CPNE4: variants seen among roughly 807,000 people sequenced by gnomAD.
CPNE4 encodes the protein copine 4.
CPNE4 carries 25 observed loss-of-function variants against 67.9 expected under a neutral mutation model. The ratio of observed to expected loss-of-function variants is 0.37; its 90% confidence interval spans 0.27 to 0.51. CPNE4 has a LOEUF of 0.51. Among genes scored for constraint, CPNE4 ranks in the 20% least tolerant of loss-of-function variants. The probability of loss-of-function intolerance (pLI) is 0.93; values close to 1 mark genes in which losing one functional copy is unlikely to be tolerated. For missense variants in CPNE4, 464 were observed against 690.8 expected, an observed-to-expected ratio of 0.67 and a Z score of 3.68; for synonymous variants, 242 against 244.9, an observed-to-expected ratio of 0.99 and a Z score of 0.11.
intron 8 of CPNE4, among the ~76,000 whole-genome samples, chr3:131,583,174 G>C (rs1343823092): frequency 6.6e-6 from 1 of 152,144 alleles, no homozygotes; most frequent in Non-Finnish European, 1.5e-5. Flanking sequence ...CAGACCCCTA[G>C]CCTTGTTTTT....
At chr3:131,685,522 G>A (rs377078237) in intron 6 of CPNE4, among the ~76,000 whole-genome samples, 2 of 152,112 alleles carry the variant, frequency 1.3e-5, no homozygotes, top group African/African-American at 2.4e-5. Context: ...GGTGGCTCAC[G>A]CCTGTAATCC....
In CPNE4 at chr3:131,777,737, G is replaced by T. The variant is rs562695621; in HGVS notation, c.181-54112C>A. Among the ~76,000 whole-genome samples the T allele has an allele frequency of 2.0e-5, 3 of 152,200 alleles. No individual in the cohort carries two copies. In the South Asian group the frequency reaches 6.2e-4, roughly 32 times the overall value. On this transcript the variant is annotated intron_variant, in intron 2 of 15. Transcript: ENST00000429747. Reference sequence around the variant, plus strand: ...TTTGAATATTTCAAAAGAATCTTAAGCTCCCCATGACCAAGAGTGGACCTT... The same window carrying T: ...TTTGAATATTTCAAAAGAATCTTAATCTCCCCATGACCAAGAGTGGACCTT...
intron 15 of CPNE4, among the ~76,000 whole-genome samples, chr3:131,541,439 G>C (rs1175318879): frequency 1.3e-5 from 2 of 152,112 alleles, no homozygotes; most frequent in Non-Finnish European, 2.9e-5. Flanking sequence ...CAAGGCCCTT[G>C]GGGAATGCAA....
intron 11 of CPNE4, 87 bp downstream of exon 11, chr3:131,564,129 A>G (rs1936933371): frequency 6.5e-7 from 1 of 1,530,562 alleles, no homozygotes. Context: ...ACTAGACTTA[A>G]TTTCCACTTT....
At chr3:131,564,425 A>G (rs973157062) in intron 10 of CPNE4, 76 bp from the exon 11 acceptor site, 4 of 1,428,016 alleles carry the variant, frequency 2.8e-6, no homozygotes, top group East Asian at 2.3e-5. Flanking sequence ...GTCATGAGAG[A>G]GACCTGGCCT....
At chr3:131,651,483 T>G (rs1458423875) in intron 7 of CPNE4, among the ~76,000 whole-genome samples, 1 of 152,230 alleles carries the variant, frequency 6.6e-6, no homozygotes, top group Admixed American at 6.5e-5. Context: ...TTGAACCTGT[T>G]TCCTCATTTA....
chr3:131,924,950 C>T (rs1046375795), intron 1 of CPNE4, among the ~76,000 whole-genome samples: 1 of 152,154 alleles, frequency 6.6e-6, no homozygotes, highest in African/African-American at 2.4e-5. Flanking sequence ...TTAGTAGCAA[C>T]CTTGAAGCAC....
intron 2 of CPNE4, among the ~76,000 whole-genome samples, chr3:131,887,758 T>C (rs1359744476): frequency 6.6e-6 from 1 of 152,204 alleles, no homozygotes; most frequent in African/African-American, 2.4e-5. Flanking sequence ...GGAATGTAAA[T>C]ATGCCTATGT....
chr3:131,910,871 C>T (rs1037579369), intron 1 of CPNE4, among the ~76,000 whole-genome samples: 7 of 152,214 alleles, frequency 4.6e-5, no homozygotes, highest in Middle Eastern at 3.4e-3. Context: ...GACCACAAAA[C>T]CGTAAATGTT....
At chr3:131,661,782 A>C (rs1490960251) in intron 7 of CPNE4, among the ~76,000 whole-genome samples, 2 of 152,126 alleles carry the variant, frequency 1.3e-5, no homozygotes, top group Non-Finnish European at 2.9e-5. Context: ...TACAAATATA[A>C]GGCACATAGA....
chr3:131,954,804 G>A (rs1367083790), intron 1 of CPNE4, among the ~76,000 whole-genome samples: 4 of 152,074 alleles, frequency 2.6e-5, no homozygotes, highest in African/African-American at 9.7e-5. Context: ...CTTCGTCCAT[G>A]TCCCTACAGA....
chr3:131,783,703 C>A (rs2083482839), intron 2 of CPNE4, among the ~76,000 whole-genome samples: 1 of 151,988 alleles, frequency 6.6e-6, no homozygotes, highest in African/African-American at 2.4e-5. Flanking sequence ...TCAGTCAAAG[C>A]CAGCACCATC....
At chr3:131,639,549 T>C (rs1028152149) in intron 7 of CPNE4, among the ~76,000 whole-genome samples, 20 of 152,056 alleles carry the variant, frequency 1.3e-4, no homozygotes, top group African/African-American at 4.6e-4. Context: ...CAGGACCAGA[T>C]GGATTTGGAC....
chr3:131,566,800 A>T (rs72999208), intron 10 of CPNE4, among the ~76,000 whole-genome samples: 2,057 of 152,082 alleles, frequency 0.014, 39 homozygotes, highest in African/African-American at 0.047. Context: ...AAAAGGTAAA[A>T]GTAATGCTGG....
intron 5 of CPNE4, among the ~76,000 whole-genome samples, chr3:131,694,028 A>T (rs1444493262): frequency 6.6e-6 from 1 of 152,172 alleles, no homozygotes; most frequent in Non-Finnish European, 1.5e-5. Flanking sequence ...TACCTAAAGT[A>T]TGTAGACTCC....
chr3:131,910,360 T>C (rs1349202899), intron 1 of CPNE4, among the ~76,000 whole-genome samples: 1 of 152,166 alleles, frequency 6.6e-6, no homozygotes, highest in African/African-American at 2.4e-5. Context: ...AACAACACTG[T>C]TTCCTCTCCT....
At chr3:131,926,583 C>A (rs2070902043) in intron 1 of CPNE4, among the ~76,000 whole-genome samples, 1 of 152,008 alleles carries the variant, frequency 6.6e-6, no homozygotes, top group African/African-American at 2.4e-5. Context: ...AACTTATATC[C>A]CTGAGTCAGT....
chr3:131,785,313 T>A (rs1454262056), intron 2 of CPNE4, among the ~76,000 whole-genome samples: 3 of 152,132 alleles, frequency 2.0e-5, no homozygotes, highest in African/African-American at 7.2e-5. Context: ...GCTATAGTCC[T>A]GCCTTGAAGG....
chr3:131,729,481 G>T (rs147729855), intron 2 of CPNE4, among the ~76,000 whole-genome samples: 1 of 152,268 alleles, frequency 6.6e-6, no homozygotes, highest in African/African-American at 2.4e-5. Flanking sequence ...GATTTCAGCT[G>T]CTTGTGACTG....
Sources: allele counts gnomAD v4.1 joint callset (sites outside exome capture counted in the v4.1 genomes callset), GRCh38; gene constraint gnomAD v4.1.1; transcripts MANE v1.5; gene names NCBI Gene and HGNC (gene_info 2026-07-23, HGNC 2026-07-21).